The following CPNE2 variants were observed in gnomAD, a reference collection of about 807,000 sequenced individuals.
CPNE2 encodes copine-2.
CPNE2 carries 42 observed loss-of-function variants against 69.7 expected under a neutral mutation model. The observed-to-expected ratio is 0.60, with a 90% CI of 0.47 to 0.78. The LOEUF is 0.78. Ranked by LOEUF, CPNE2 falls within the 30% of genes least tolerant of loss-of-function variation. The pLI, the probability that CPNE2 is intolerant of heterozygous loss-of-function variation, is 0.00. For synonymous variants in CPNE2, 294 were observed against 289.8 expected, an observed-to-expected ratio of 1.01 and a Z score of -0.15; for missense variants, 587 against 732.0, an observed-to-expected ratio of 0.80 and a Z score of 2.29.
intron 5 of CPNE2, among the ~76,000 whole-genome samples, chr16:57,118,692 A>G (rs62037311): frequency 0.17 from 9,239 of 54,030 alleles, 416 homozygotes; most frequent in East Asian, 0.41. Flanking sequence ...ATGGATGGAT[A>G]GATAGATAGA....
chr16:57,119,173 C>G (rs759031474), intron 5 of CPNE2, 22 bp from the exon 6 acceptor site: 7 of 1,608,184 alleles, frequency 4.4e-6, no homozygotes, highest in Non-Finnish European at 6.0e-6. Flanking sequence ...CTCTCTCACC[C>G]GCATCCTCCC....
intron 5 of CPNE2, among the ~76,000 whole-genome samples, chr16:57,118,395 G>C (rs1193219782): frequency 2.7e-5 from 4 of 149,438 alleles, no homozygotes; most frequent in Non-Finnish European, 4.4e-5. Context: ...GGATGGTCTC[G>C]ATCTCCTGAC....
chr16:57,124,575 G>T (rs776088220), intron 10 of CPNE2: 4 of 334,002 alleles, frequency 1.2e-5, no homozygotes, highest in Admixed American at 3.7e-5. Context: ...TTTCTCGTTG[G>T]AAGAATGAAC....
chr16:57,128,410 T>C (rs751186435), intron 12 of CPNE2, among the ~76,000 whole-genome samples: 1 of 152,092 alleles, frequency 6.6e-6, no homozygotes, highest in Non-Finnish European at 1.5e-5. Context: ...TTTGTATTTT[T>C]AGTAGAGAGT....
chr16:57,115,736 A>G (rs1379735995), intron 4 of CPNE2, among the ~76,000 whole-genome samples, 186 bp downstream of exon 4: 1 of 152,232 alleles, frequency 6.6e-6, no homozygotes, highest in Non-Finnish European at 1.5e-5. Context: ...GTGGGGGCTG[A>G]CAAGCTGGGG....
intron 14 of CPNE2, chr16:57,144,608 C>G (rs557112038): frequency 1.3e-5 from 2 of 152,382 alleles, no homozygotes; most frequent in African/African-American, 4.8e-5. Context: ...GGAAACTGAG[C>G]TTCCCCTAAA....
rs147550377 is a variant in CPNE2, at chr16:57,146,014, T to C, written c.1303-71T>C. On this transcript the variant is annotated intron_variant, in intron 14 of 15. Coordinates refer to ENST00000290776, the MANE Select transcript of CPNE2 (RefSeq NM_152727.6). The surrounding 1 kb of genome is among the most constrained non-coding windows in gnomAD (Gnocchi z 4.4). Reference sequence around the variant, plus strand: ...CCTCCAGGACTCGGAGGGTTTGGGATGAAGGAGGGAGGGAGAAGGGGTGCC... The same window carrying C: ...CCTCCAGGACTCGGAGGGTTTGGGACGAAGGAGGGAGGGAGAAGGGGTGCC... The C allele has an allele frequency of 1.2e-3, 1,634 of 1,315,398 alleles. 61 individuals carry two copies. In the East Asian group the frequency reaches 0.04, roughly 32 times the overall value. The allele number at this position is 1,315,398 out of a possible 1,614,324, so 81.5% of individuals were successfully genotyped here. A position where few individuals can be genotyped will look rare whatever the true frequency, so the allele number is the denominator to read the frequency against.
rs369252588 is a variant in CPNE2, at chr16:57,098,847, A to G, written c.-36+6057A>G. Among the ~76,000 whole-genome samples, 7 of 152,180 alleles carry G rather than the reference A, an allele frequency of 4.6e-5. No individual in the cohort carries two copies. In the East Asian group the frequency reaches 5.8e-4, roughly 13 times the overall value. On this transcript the variant is annotated intron_variant, in intron 1 of 15. Coordinates refer to ENST00000290776, the MANE Select transcript of CPNE2 (RefSeq NM_152727.6). ...CAGTGAGGGCGACGCTTCTAAGCCA[A>G]TGGTTACAGTATGCTGATATTGTAA...
At position 57,119,221 on chromosome 16, in the gene CPNE2, T is replaced by C. The variant is rs762568949; in HGVS notation, c.534T>C (p.Phe178=). The change falls in exon 6 of 16, where the codon TTT becomes TTC. Residue 178 remains phenylalanine, a synonymous_variant. Coordinates refer to ENST00000290776, the MANE Select transcript of CPNE2 (RefSeq NM_152727.6). Reference sequence around the variant, plus strand: ...ACCTCTTTGGGAAGTCAGACCCCTTTCTGGAGTTTTATAAGCCAGGAGACG... The same window carrying C: ...ACCTCTTTGGGAAGTCAGACCCCTTCCTGGAGTTTTATAAGCCAGGAGACG... The part of the protein sequence containing the change: ...KKDLFGKSDP[F]LEFYKPGDDG... The C allele has an allele frequency of 6.2e-7, 1 of 1,614,108 alleles. No individual in the cohort carries two copies. Among genetic ancestry groups the C allele is most frequent in the Non-Finnish European group, 8.5e-7 (1 of 1,180,014 alleles).
intron 12 of CPNE2, among the ~76,000 whole-genome samples, chr16:57,132,739 T>A (rs1235814096): frequency 4.6e-5 from 7 of 152,138 alleles, no homozygotes; most frequent in African/African-American, 1.7e-4. Flanking sequence ...GAGCTGCCAC[T>A]CCTGGTAGCA....
intron 1 of CPNE2, among the ~76,000 whole-genome samples, chr16:57,099,995 G>A (rs75561408): frequency 0.024 from 3,703 of 152,158 alleles, 127 homozygotes; most frequent in Admixed American, 0.1. Context: ...GGATGGTCTT[G>A]ATCTCTTGAC....
chr16:57,141,534 C>T (rs1217774161), intron 14 of CPNE2: 4 of 152,412 alleles, frequency 2.6e-5, no homozygotes, highest in Admixed American at 6.5e-5. Flanking sequence ...TGTCCAAGAA[C>T]AGATAAGGCC....
chr16:57,101,358 G>T (rs1454177447), intron 1 of CPNE2, among the ~76,000 whole-genome samples: 1 of 152,194 alleles, frequency 6.6e-6, no homozygotes, highest in Non-Finnish European at 1.5e-5. Flanking sequence ...GATGAAGGAG[G>T]CAATTTAGAC....
chr16:57,108,397 G>A (rs998677696), intron 1 of CPNE2, among the ~76,000 whole-genome samples: 2 of 152,198 alleles, frequency 1.3e-5, no homozygotes, highest in African/African-American at 2.4e-5. Flanking sequence ...TTCCCAGAGG[G>A]GGCCCACCCA....
intron 1 of CPNE2, among the ~76,000 whole-genome samples, chr16:57,101,347 G>T (rs2069612069): frequency 6.6e-6 from 1 of 152,182 alleles, no homozygotes; most frequent in East Asian, 1.9e-4. Flanking sequence ...CTGGGAAATG[G>T]GATGAAGGAG....
In CPNE2 at chr16:57,146,068, T is replaced by C. The variant is rs1331617363; in HGVS notation, c.1303-17T>C. On this transcript the variant is annotated splice_polypyrimidine_tract_variant and intron_variant, in intron 14 of 15. Coordinates refer to ENST00000290776, the MANE Select transcript of CPNE2 (RefSeq NM_152727.6). This position sits in a 1 kb window ranked among gnomAD's most constrained non-coding sequence, Gnocchi z 4.4. ...GCCTCGACCTTGCTGAGTGCCCCGTTGGCCCCCTCCCTGCAGCAGTACTTC... is the reference window on the plus strand; with the variant it reads ...GCCTCGACCTTGCTGAGTGCCCCGTCGGCCCCCTCCCTGCAGCAGTACTTC... 6.3e-7 allele frequency: 1 copy of C among 1,597,678 alleles called. No individual in the cohort carries two copies. The highest frequency in any genetic ancestry group is 1.7e-5 in the Admixed American group (1 of 58,356).
intron 14 of CPNE2, chr16:57,142,748 G>T (rs559123710): frequency 6.6e-6 from 1 of 152,180 alleles, no homozygotes; most frequent in African/African-American, 2.4e-5. Flanking sequence ...AATTCCACCC[G>T]CTCCCCTCGC....
At chr16:57,107,535 G>A (rs2069655524) in intron 1 of CPNE2, among the ~76,000 whole-genome samples, 1 of 152,124 alleles carries the variant, frequency 6.6e-6, no homozygotes, top group African/African-American at 2.4e-5. Flanking sequence ...CCGTGGCCTG[G>A]GTGAAAGAGA....
chr16:57,145,310 G>C (rs2069949103), intron 14 of CPNE2, among the ~76,000 whole-genome samples: 1 of 152,206 alleles, frequency 6.6e-6, no homozygotes, highest in Non-Finnish European at 1.5e-5. Context: ...GAAAGACACA[G>C]TAGTACCAAA....
Sources: gnomAD v4.1 joint callset for allele counts (sites outside exome capture counted in the v4.1 genomes callset) on GRCh38, gnomAD v4.1.1 for gene constraint, Gnocchi (gnomAD v3.1) non-coding constraint, MANE v1.5 for transcripts, NCBI Gene and HGNC (gene_info 2026-07-23, HGNC 2026-07-21) for gene names.